Variants in COL15A1 observed in about 807,000 individuals in gnomAD.
COL15A1 encodes the protein collagen type XV alpha 1 chain, also known as collagen alpha-1(XV) chain.
In COL15A1, 111 loss-of-function variants were observed where a neutral mutation model predicts 165.9. The ratio of observed to expected loss-of-function variants is 0.67; its 90% CI spans 0.57 to 0.78. The LOEUF is 0.78. Ranked by LOEUF, COL15A1 falls within the 30% of genes least tolerant of loss-of-function variation. COL15A1 has a pLI of 0.00. For synonymous variants in COL15A1, 659 were observed against 674.8 expected (o/e 0.98, Z 0.36); for missense variants, 1,745 against 1,789.7 (o/e 0.98, Z 0.45).
At position 98,946,607 on chromosome 9, in the gene COL15A1, G is replaced by A. The variant is rs541510241; in HGVS notation, c.100+2357G>A. ...ACTGTAACTGGGTAGATCCATAATA[G>A]CCCTCTCACGTCTGTGAACTTCTGG... On this transcript the variant is annotated intron_variant, in intron 2 of 41. Coordinates refer to ENST00000375001, the MANE Select transcript of COL15A1 (RefSeq NM_001855.5). 4.6e-5 allele frequency among the ~76,000 whole-genome samples: 7 copies of A among 152,284 alleles called. No homozygotes were observed. In the East Asian group the frequency reaches 1.2e-3, roughly 25 times the overall value.
At chr9:99,028,326 A>G (rs1328871070) in intron 16 of COL15A1, among the ~76,000 whole-genome samples, 1 of 152,168 alleles carries the variant, frequency 6.6e-6, no homozygotes. Flanking sequence ...TATCTTAAGT[A>G]TGAGCTAAGC....
rs1838701615 is a variant in COL15A1, at chr9:99,003,550, C to G, written c.1163C>G (p.Ser388Cys). 1 of 1,563,020 alleles carries G rather than the reference C, an allele frequency of 6.4e-7. No homozygotes were observed. Among genetic ancestry groups the G allele is most frequent in the South Asian group, 1.2e-5 (1 of 84,006 alleles). Residue 388 changes from serine to cysteine, a missense_variant, in exon 8 of 42, where the codon TCT becomes TGT. Coordinates refer to ENST00000375001, the MANE Select transcript of COL15A1 (RefSeq NM_001855.5). Reference sequence around the variant, plus strand: ...GTGCCCACCGGGGGACCAACCCTCTCTATGTCCACGGAGAACCCAGAGGAA... The same window carrying G: ...GTGCCCACCGGGGGACCAACCCTCTGTATGTCCACGGAGAACCCAGAGGAA... Reference protein sequence around the residue: ...SSVPTGGPTLSMSTENPEEGV... With the variant: ...SSVPTGGPTLCMSTENPEEGV...
chr9:99,034,624 T>TCTCCCCC (rs1554690182), intron 17 of COL15A1, 40 bp downstream of exon 17: 2 of 1,411,722 alleles, frequency 1.4e-6, no homozygotes, highest in Admixed American at 2.9e-5. Context: ...AGAACTTTCT[T>TCTCCCCC]CTCCCTCCTC....
chr9:99,024,268 G>GT lies in COL15A1; in HGVS notation c.1855-598dup, dbSNP rs201734908. On this transcript the variant is annotated intron_variant, in intron 14 of 41. Coordinates refer to ENST00000375001, the MANE Select transcript of COL15A1 (RefSeq NM_001855.5). ...TAAAAACAAGGCTACACCACAAGCA[G>GT]TTTTTTTTGTTTTTTTGTTTTTTTT... Among the ~76,000 whole-genome samples, 324 of 131,464 alleles carry GT rather than the reference G, an allele frequency of 2.5e-3. 24 individuals carry two copies. Among genetic ancestry groups the GT allele is most frequent in the African/African-American group, 5.8e-3 (187 of 32,268 alleles). 86.2% of individuals were successfully genotyped at this position (131,464 alleles called of 152,430 possible).
At chr9:98,993,803 T>C (rs1308014944) in intron 5 of COL15A1, among the ~76,000 whole-genome samples, 1 of 152,096 alleles carries the variant, frequency 6.6e-6, no homozygotes, top group Non-Finnish European at 1.5e-5. Context: ...CCTCTTCAGC[T>C]CAGACAGTCC....
chr9:99,055,369 G>C lies in COL15A1; in HGVS notation c.3189G>C (p.Pro1063=). 1 of 1,601,938 alleles carries C rather than the reference G, an allele frequency of 6.2e-7. No homozygotes were observed. The highest frequency in any genetic ancestry group is 8.6e-7 in the Non-Finnish European group (1 of 1,169,002). ...CAGGCCTGCCCGGAAATCCAGGCCC[G>C]GCTGTGAGTAGAGACCCCTCCAAGT... The part of the protein sequence containing the change: ...GPPGLPGNPG[P]AGQKGETVVG... Residue 1063 remains proline, a synonymous_variant, in exon 34 of 42, where the codon CCG becomes CCC. Coordinates refer to ENST00000375001, the MANE Select transcript of COL15A1 (RefSeq NM_001855.5).
intron 18 of COL15A1, 97 bp from the exon 19 acceptor site, chr9:99,035,253 G>T: frequency 6.3e-7 from 1 of 1,596,422 alleles, no homozygotes; most frequent in Non-Finnish European, 8.6e-7. Flanking sequence ...GAGGCTGTGC[G>T]GATTCCCCTG....
At chr9:99,068,483 AAAAG>A in intron 40 of COL15A1, 68 bp from the exon 41 acceptor site, 3 of 648,384 alleles carry the variant, frequency 4.6e-6, no homozygotes, top group Non-Finnish European at 7.2e-6. Flanking sequence ...AAAAAAAAAA[AAAAG>A]AGTAAAAATC....
At chr9:99,066,406 TCAGCCC>T (rs1825891515) in intron 39 of COL15A1, among the ~76,000 whole-genome samples, 1 of 152,080 alleles carries the variant, frequency 6.6e-6, no homozygotes, top group Non-Finnish European at 1.5e-5. Context: ...CCTCATGTGA[TCAGCCC>T]CAGGCCTATC....
intron 9 of COL15A1, 142 bp downstream of exon 9, chr9:99,005,192 G>A (rs1564048697): frequency 2.3e-6 from 2 of 874,916 alleles, no homozygotes; most frequent in Non-Finnish European, 3.4e-6. Flanking sequence ...TGGGGGTGGA[G>A]TTTGCCAAGG....
At chr9:98,952,616 G>T (rs1264802336) in intron 2 of COL15A1, among the ~76,000 whole-genome samples, 2 of 151,712 alleles carry the variant, frequency 1.3e-5, no homozygotes, top group African/African-American at 4.8e-5. Context: ...TGAACTCCTG[G>T]GCTCAAGCAA....
chr9:99,055,181 G>C, intron 33 of COL15A1, 30 bp downstream of exon 33: 1 of 1,606,742 alleles, frequency 6.2e-7, no homozygotes. Context: ...TATTTGGCCT[G>C]TGTTTTTCAG....
At chr9:99,059,707 A>G (rs777637604) in intron 35 of COL15A1, among the ~76,000 whole-genome samples, 182 bp from the exon 36 acceptor site, 18 of 152,208 alleles carry the variant, frequency 1.2e-4, no homozygotes, top group Non-Finnish European at 5.9e-5. Context: ...TCTTCCCTGA[A>G]CCAGTCAATG....
intron 40 of COL15A1, among the ~76,000 whole-genome samples, chr9:99,068,075 A>G (rs1825924280): frequency 6.6e-6 from 1 of 152,250 alleles, no homozygotes; most frequent in Non-Finnish European, 1.5e-5. Flanking sequence ...TGGATTATAA[A>G]ATCAAACCAC....
At chr9:99,047,696 C>T (rs1363610211) in intron 26 of COL15A1, 90 bp from the exon 27 acceptor site, 1 of 1,358,306 alleles carries the variant, frequency 7.4e-7, no homozygotes, top group African/African-American at 1.4e-5. Flanking sequence ...ATCATCGTCA[C>T]CACTGCCTGC....
intron 36 of COL15A1, among the ~76,000 whole-genome samples, chr9:99,061,346 A>T (rs1324759105): frequency 1.3e-5 from 2 of 152,264 alleles, no homozygotes; most frequent in Non-Finnish European, 2.9e-5. Flanking sequence ...ATTTGATGCT[A>T]TTCAATAGAT....
At chr9:98,998,537 C>A (rs961547667) in intron 6 of COL15A1, among the ~76,000 whole-genome samples, 1 of 152,194 alleles carries the variant, frequency 6.6e-6, no homozygotes, top group Non-Finnish European at 1.5e-5. Flanking sequence ...AGTTGCTGAT[C>A]AGTTTCCAAG....
intron 2 of COL15A1, among the ~76,000 whole-genome samples, chr9:98,969,383 C>T (rs1484202892): frequency 6.6e-6 from 1 of 152,252 alleles, no homozygotes; most frequent in Non-Finnish European, 1.5e-5. Context: ...TCGAGAAACT[C>T]TGGCTCAGAG....
At chr9:99,014,276 G>A (rs1225568696) in intron 9 of COL15A1, among the ~76,000 whole-genome samples, 2 of 152,188 alleles carry the variant, frequency 1.3e-5, no homozygotes, top group Non-Finnish European at 2.9e-5. Context: ...TACCATCCTA[G>A]AAGCAGGAAA....
Sources: allele counts gnomAD v4.1 joint callset (sites outside exome capture counted in the v4.1 genomes callset), GRCh38; gene constraint gnomAD v4.1.1; transcripts MANE v1.5; gene names NCBI Gene and HGNC (gene_info 2026-07-23, HGNC 2026-07-21).